PEBP4: variants seen among roughly 807,000 people sequenced by gnomAD.
PEBP4 encodes the protein phosphatidylethanolamine-binding protein 4.
A neutral mutation model predicts 23.9 loss-of-function variants in PEBP4; 22 were observed. That is an observed-to-expected ratio of 0.92 (90% confidence interval 0.66 to 1.31). PEBP4 has a LOEUF of 1.31. Ranked by LOEUF, PEBP4 falls within the 40% of genes most tolerant of loss-of-function variation. PEBP4 has a pLI of 0.00. For missense variants in PEBP4, 324 were observed against 281.7 expected, an observed-to-expected ratio of 1.15 and a Z score of -1.07; for synonymous variants, 112 against 99.3, an observed-to-expected ratio of 1.13 and a Z score of -0.76.
intron 4 of PEBP4, among the ~76,000 whole-genome samples, chr8:22,733,358 A>T (rs1022592983): frequency 1.3e-5 from 2 of 152,058 alleles, no homozygotes; most frequent in African/African-American, 4.8e-5. Context: ...CCCCGTAGGG[A>T]CAGAGAGCTG....
chr8:22,853,346 G>A (rs1037331692), intron 3 of PEBP4, among the ~76,000 whole-genome samples: 1 of 152,196 alleles, frequency 6.6e-6, no homozygotes, highest in Admixed American at 6.5e-5. Context: ...AGGTCACAGA[G>A]GTGGGATAAA....
Position 22,732,895 on chromosome 8 carries a change from A to G in PEBP4, c.358-5675T>C, listed in dbSNP as rs572744755. Reference sequence around the variant, plus strand: ...TGCTTCTCTGGCAAGCTAGCCTGGAACTTGCAAGCGAGATACTCAGGGAAA... The same window carrying G: ...TGCTTCTCTGGCAAGCTAGCCTGGAGCTTGCAAGCGAGATACTCAGGGAAA... On this transcript the variant is annotated intron_variant, in intron 4 of 6. Transcript: ENST00000256404. Among the ~76,000 whole-genome samples the G allele has an allele frequency of 1.1e-4, 17 of 152,248 alleles. No individual in the cohort carries two copies. In the East Asian group the frequency reaches 3.1e-3, roughly 28 times the overall value.
chr8:22,832,568 C>A (rs1585297468), intron 3 of PEBP4, among the ~76,000 whole-genome samples: 3 of 152,264 alleles, frequency 2.0e-5, no homozygotes, highest in African/African-American at 7.2e-5. Context: ...TTTCCTGACG[C>A]AGAGAGAAAA....
intron 3 of PEBP4, among the ~76,000 whole-genome samples, chr8:22,874,063 C>T (rs1202367876): frequency 6.6e-6 from 1 of 152,042 alleles, no homozygotes; most frequent in African/African-American, 2.4e-5. Flanking sequence ...TCCTAACTAG[C>T]TGTGTGTGTG....
At chr8:22,880,971 C>T (rs1808242552) in intron 3 of PEBP4, among the ~76,000 whole-genome samples, 1 of 152,240 alleles carries the variant, frequency 6.6e-6, no homozygotes, top group Non-Finnish European at 1.5e-5. Flanking sequence ...TCTGCTCTGC[C>T]TGGGGGAAGA....
intron 3 of PEBP4, among the ~76,000 whole-genome samples, chr8:22,872,723 C>T (rs1385173939): frequency 1.3e-5 from 2 of 152,218 alleles, no homozygotes; most frequent in African/African-American, 2.4e-5. Context: ...GTCACCCAGG[C>T]TGGAGTACAG....
At position 22,775,889 on chromosome 8, in the gene PEBP4, C is replaced by T. The variant is rs142884688; in HGVS notation, c.357+41748G>A. Reference sequence around the variant, plus strand: ...TTGGGGGGGTTTCCCGTTCTGGAGGCGCCGGCAGTGAGCTTCTCTGGGCCA... The same window carrying T: ...TTGGGGGGGTTTCCCGTTCTGGAGGTGCCGGCAGTGAGCTTCTCTGGGCCA... On this transcript the variant is annotated intron_variant, in intron 4 of 6. Transcript: ENST00000256404. The surrounding 1 kb of genome is among the most constrained non-coding windows in gnomAD (Gnocchi z 4.8). Among the ~76,000 whole-genome samples, 7 of 152,146 alleles carry T rather than the reference C, an allele frequency of 4.6e-5. No individual in the cohort carries two copies. The East Asian group carries it at 7.7e-4, about 17-fold the overall frequency.
At chr8:22,779,221 G>T (rs191296807) in intron 4 of PEBP4, among the ~76,000 whole-genome samples, 3 of 152,162 alleles carry the variant, frequency 2.0e-5, no homozygotes, top group African/African-American at 7.2e-5. Flanking sequence ...TCCAGTCCTC[G>T]TGGGGTTCAA....
chr8:22,767,001 G>A (rs1174772260), intron 4 of PEBP4, among the ~76,000 whole-genome samples: 1 of 152,236 alleles, frequency 6.6e-6, no homozygotes, highest in African/African-American at 2.4e-5. Context: ...ACTTCACCGT[G>A]GGGGTCTAGA....
intron 3 of PEBP4, among the ~76,000 whole-genome samples, chr8:22,892,743 C>T (rs76244752): frequency 0.084 from 12,792 of 152,192 alleles, 688 homozygotes; most frequent in Middle Eastern, 0.14. Flanking sequence ...ATGAAAACAC[C>T]GAACAAAATA....
intron 4 of PEBP4, among the ~76,000 whole-genome samples, chr8:22,767,522 A>G (rs1190715270): frequency 3.9e-5 from 6 of 152,240 alleles, no homozygotes; most frequent in Non-Finnish European, 5.9e-5. Flanking sequence ...GATTCCTACG[A>G]TAGAATACTA....
At position 22,746,538 on chromosome 8, in the gene PEBP4, C is replaced by A. The variant is rs190343037; in HGVS notation, c.358-19318G>T. 4.8e-3 allele frequency among the ~76,000 whole-genome samples: 736 copies of A among 152,102 alleles called. 23 individuals carry two copies. The highest frequency in any genetic ancestry group is 0.044 in the Admixed American group (669 of 15,268). ...CCCTTCACTGCCTTCCCCTTCTCTC[C>A]GATTCCAGCCTCTTCCTCCCTGTCC... On this transcript the variant is annotated intron_variant, in intron 4 of 6. Transcript: ENST00000256404.
intron 4 of PEBP4, among the ~76,000 whole-genome samples, chr8:22,814,832 C>T (rs1378623550): frequency 6.6e-6 from 1 of 152,014 alleles, no homozygotes; most frequent in East Asian, 1.9e-4. Context: ...GGGACAGTTC[C>T]CTGGAAGCAT....
intron 3 of PEBP4, among the ~76,000 whole-genome samples, chr8:22,871,128 CG>C (rs1051944366): frequency 3.3e-5 from 5 of 151,604 alleles, no homozygotes; most frequent in African/African-American, 1.2e-4. Flanking sequence ...GGTGAGGGGT[CG>C]GGGGTGGGTG....
chr8:22,747,220 T>C (rs1585250683), intron 4 of PEBP4, among the ~76,000 whole-genome samples: 1 of 152,368 alleles, frequency 6.6e-6, no homozygotes, highest in East Asian at 1.9e-4. Flanking sequence ...ATGCACTTAG[T>C]GACTACCATA....
chr8:22,759,967 T>G (rs564982576), intron 4 of PEBP4, among the ~76,000 whole-genome samples: 1 of 152,160 alleles, frequency 6.6e-6, no homozygotes, highest in African/African-American at 2.4e-5. Context: ...AAACTTCTAT[T>G]TGGTCCTTTA....
At chr8:22,854,008 T>A (rs1807594405) in intron 3 of PEBP4, among the ~76,000 whole-genome samples, 1 of 151,988 alleles carries the variant, frequency 6.6e-6, no homozygotes, top group African/African-American at 2.4e-5. Flanking sequence ...AAAAAGAAAT[T>A]CATATAAGAG....
intron 1 of PEBP4, among the ~76,000 whole-genome samples, chr8:22,938,857 G>A (rs1161139312): frequency 1.3e-5 from 2 of 152,180 alleles, no homozygotes; most frequent in African/African-American, 2.4e-5. Flanking sequence ...ACAGCACTAT[G>A]AACATAGCAG....
chr8:22,726,824 G>A (rs1208196698), intron 5 of PEBP4, among the ~76,000 whole-genome samples: 1 of 152,110 alleles, frequency 6.6e-6, no homozygotes, highest in South Asian at 2.1e-4. Context: ...GGTAGGTTGG[G>A]GGCATCCTCC....
Sources: allele counts gnomAD v4.1 joint callset (sites outside exome capture counted in the v4.1 genomes callset), GRCh38; gene constraint gnomAD v4.1.1; non-coding constraint Gnocchi (gnomAD v3.1); transcripts MANE v1.5; gene names NCBI Gene and HGNC (gene_info 2026-07-23, HGNC 2026-07-21).